TTLL6: variants seen among roughly 807,000 people sequenced by gnomAD.
TTLL6 encodes tubulin tyrosine ligase like 6.
A neutral mutation model predicts 96.4 loss-of-function variants in TTLL6; 75 were observed. The observed-to-expected ratio is 0.78, with a 90% CI of 0.65 to 0.94. The LOEUF (loss-of-function observed/expected upper bound fraction) is 0.94, where lower values mean the gene tolerates loss of function less well. Ranked by LOEUF, TTLL6 falls within the 40% of genes least tolerant of loss-of-function variation. TTLL6 has a pLI of 0.00. For missense variants in TTLL6, 1,030 were observed against 1,093.0 expected (o/e 0.94, Z 0.81); for synonymous variants, 411 against 419.4 (o/e 0.98, Z 0.24).
chr17:48,769,932 T>A lies in TTLL6; in HGVS notation c.2206A>T (p.Thr736Ser). The A allele has an allele frequency of 6.2e-7, 1 of 1,614,078 alleles. No homozygotes were observed. The highest frequency in any genetic ancestry group is 8.5e-7 in the Non-Finnish European group (1 of 1,180,018). Residue 736 changes from threonine (T) to serine (S), a missense_variant, in exon 14 of 16, where the codon ACC becomes TCC. Thr to Ser is a moderately conservative substitution (Grantham distance 58). Coordinates refer to ENST00000393382, the MANE Select transcript of TTLL6 (RefSeq NM_001130918.3). The stretch of plus-strand genomic sequence containing the variant: ...AAAGATTTTAACATTTTCTTCTGGG[T>A]TAAGTGTGGAGGGGTCTGCTGCTTC... ...CKKQQTPPHL[T>S]QKKMLKSFLP...
At chr17:48,801,720 C>T (rs2039418816) in intron 3 of TTLL6, 77 bp from the exon 4 acceptor site, 1 of 1,229,458 alleles carries the variant, frequency 8.1e-7, no homozygotes. Context: ...TTACTAGGTG[C>T]TCCCAGACCA....
intron 5 of TTLL6, 21 bp from the exon 6 acceptor site, chr17:48,799,781 C>T: frequency 6.5e-7 from 1 of 1,547,728 alleles, no homozygotes; most frequent in Non-Finnish European, 8.7e-7. Context: ...AGGGAGGGAA[C>T]AAGATACATC....
intron 7 of TTLL6, among the ~76,000 whole-genome samples, 193 bp downstream of exon 7, chr17:48,796,868 C>T (rs1567730216): frequency 6.6e-6 from 1 of 152,130 alleles, no homozygotes; most frequent in Non-Finnish European, 1.5e-5. Flanking sequence ...GGGTTTTAAT[C>T]TCGTCATCTG....
In TTLL6 at chr17:48,804,783, C is replaced by T. The variant is rs1230735951; in HGVS notation, c.312G>A (p.Arg104=). The T allele has an allele frequency of 6.4e-7, 1 of 1,552,074 alleles. No individual in the cohort carries two copies. The highest frequency in any genetic ancestry group is 1.4e-5 in the African/African-American group (1 of 73,038). The change falls in exon 2 of 16, where the codon AGG becomes AGA. Residue 104 remains arginine, a synonymous_variant. Coordinates refer to ENST00000393382, the MANE Select transcript of TTLL6 (RefSeq NM_001130918.3). ...QNAQQQGKKK[R]KKKRLVINLS... ...CTTTCAATCCTAACCTCTTTTTCTTCCTCTTCTTCTTGCCTTGCTGCTGGG... is the reference window on the plus strand; with the variant it reads ...CTTTCAATCCTAACCTCTTTTTCTTTCTCTTCTTCTTGCCTTGCTGCTGGG...
At position 48,768,837 on chromosome 17, in the gene TTLL6, C is replaced by T. The variant is rs889419944; in HGVS notation, c.*152G>A. 1.6e-5 allele frequency: 14 copies of T among 869,344 alleles called. No individual in the cohort carries two copies. In the African/African-American group the frequency reaches 2.2e-4, roughly 14 times the overall value. The allele number at this position is 869,344 out of a possible 1,614,324, so 53.9% of individuals were successfully genotyped here. ...GATTATAGGCATGAGCCACTGCACC[C>T]AGCCAGGGTCACATTTTTACTAAGT... On this transcript the variant is annotated intron_variant, in intron 15 of 15. Transcript: ENST00000393382.
chr17:48,762,977 G>GAA lies in TTLL6; in HGVS notation c.*1-6_*1-5dup. The GAA allele has an allele frequency of 2.4e-6, 1 of 420,160 alleles. No individual in the cohort carries two copies. Among genetic ancestry groups the GAA allele is most frequent in the Non-Finnish European group, 4.7e-6 (1 of 214,546 alleles). The allele number at this position is 420,160 out of a possible 1,614,324, so 26.0% of individuals were successfully genotyped here. A position where few individuals can be genotyped will look rare whatever the true frequency, so the allele number is the denominator to read the frequency against. On this transcript the variant is annotated splice_region_variant and splice_polypyrimidine_tract_variant and intron_variant, in intron 15 of 15. Coordinates refer to ENST00000393382, the MANE Select transcript of TTLL6 (RefSeq NM_001130918.3). ...GTGGCAGAGATCCAGTCTGATTCTG[G>GAA]AAAAAAAAAATTTTTTTTTTAGATT...
At chr17:48,766,158 C>G (rs2038599806) in intron 15 of TTLL6, among the ~76,000 whole-genome samples, 1 of 152,198 alleles carries the variant, frequency 6.6e-6, no homozygotes, top group African/African-American at 2.4e-5. Context: ...ACTACAGCTC[C>G]AAGCGGGTGA....
At chr17:48,799,148 T>A (rs899848744) in intron 6 of TTLL6, among the ~76,000 whole-genome samples, 1 of 152,116 alleles carries the variant, frequency 6.6e-6, no homozygotes, top group Non-Finnish European at 1.5e-5. Context: ...TCTACAAGAG[T>A]TCTCCCTGCA....
At chr17:48,794,647 T>C (rs1219696524) in intron 8 of TTLL6, among the ~76,000 whole-genome samples, 2 of 152,152 alleles carry the variant, frequency 1.3e-5, no homozygotes, top group Admixed American at 1.3e-4. Flanking sequence ...GGCTGACATC[T>C]TCTGGAAAAG....
At chr17:48,785,414 G>T (rs957411091) in intron 12 of TTLL6, among the ~76,000 whole-genome samples, 17 of 152,094 alleles carry the variant, frequency 1.1e-4, no homozygotes, top group East Asian at 3.9e-4. Flanking sequence ...ACTTGAAATT[G>T]CAGTTTAAAA....
intron 7 of TTLL6, among the ~76,000 whole-genome samples, chr17:48,796,348 G>A (rs543657796): frequency 5.3e-5 from 8 of 152,294 alleles, no homozygotes; most frequent in East Asian, 1.9e-4. Context: ...TCTGCTGGGC[G>A]TGGTGGCTCA....
intron 1 of TTLL6, among the ~76,000 whole-genome samples, chr17:48,813,951 C>G (rs907263941): frequency 1.3e-5 from 2 of 152,142 alleles, no homozygotes; most frequent in African/African-American, 4.8e-5. Context: ...CCCCAGCTTC[C>G]TGGTCCCCAA....
chr17:48,817,086 GCCCCAA>G lies in TTLL6; in HGVS notation c.-20_-15del. ...TAACGCTCCCATTGGCTGCCAGACA[GCCCCAA>G]CCCCAACCCGCGCTCGCCCTAACTT... On this transcript the variant is annotated 5_prime_UTR_variant, in exon 1 of 16. Transcript: ENST00000393382. The G allele has an allele frequency of 6.5e-7, 1 of 1,533,336 alleles. No homozygotes were observed. Among genetic ancestry groups the G allele is most frequent in the Non-Finnish European group, 8.8e-7 (1 of 1,140,988 alleles). 95.0% of individuals were successfully genotyped at this position (1,533,336 alleles called of 1,614,324 possible). A position where few individuals can be genotyped will look rare whatever the true frequency, so the allele number is the denominator to read the frequency against.
chr17:48,782,745 G>A (rs528512582), intron 13 of TTLL6, among the ~76,000 whole-genome samples: 4 of 151,048 alleles, frequency 2.6e-5, no homozygotes, highest in South Asian at 2.1e-4. Context: ...ACAGAGTCTC[G>A]CTCTGTCACC....
At chr17:48,794,756 A>G (rs2039288422) in intron 8 of TTLL6, among the ~76,000 whole-genome samples, 1 of 152,232 alleles carries the variant, frequency 6.6e-6, no homozygotes, top group African/African-American at 2.4e-5. Context: ...TGAGGGGGTC[A>G]TGAACTGTCA....
intron 1 of TTLL6, among the ~76,000 whole-genome samples, chr17:48,805,209 G>A (rs1340327111): frequency 6.6e-6 from 1 of 152,228 alleles, no homozygotes; most frequent in African/African-American, 2.4e-5. Flanking sequence ...CTCAGCCAAC[G>A]CTAGCCTTGG....
At chr17:48,778,135 G>A (rs1597968390) in intron 13 of TTLL6, among the ~76,000 whole-genome samples, 1 of 151,894 alleles carries the variant, frequency 6.6e-6, no homozygotes, top group East Asian at 1.9e-4. Flanking sequence ...AAATTAGCCG[G>A]GTGTGGTGGT....
chr17:48,769,060 G>A lies in TTLL6; in HGVS notation c.2605C>T (p.Pro869Ser). The change falls in exon 15 of 16, where the codon CCA becomes TCA. Residue 869 changes from proline (P) to serine (S), a missense_variant. By Grantham distance (74) the Pro-to-Ser change is moderately conservative. Coordinates refer to ENST00000393382, the MANE Select transcript of TTLL6 (RefSeq NM_001130918.3). ...CRSHASAMRDPCMQDQEAYSH... is the reference protein window; with the variant it reads ...CRSHASAMRDSCMQDQEAYSH... Reference sequence around the variant, plus strand: ...TATGCTTCTTGATCCTGCATACATGGGTCCCTCATAGCACTTGCGTGGCTT... The same window carrying A: ...TATGCTTCTTGATCCTGCATACATGAGTCCCTCATAGCACTTGCGTGGCTT... The A allele has an allele frequency of 1.3e-5, 21 of 1,614,182 alleles. No homozygotes were observed. Among genetic ancestry groups the A allele is most frequent in the Non-Finnish European group, 1.8e-5 (21 of 1,180,030 alleles).
In TTLL6 at chr17:48,817,083, A is replaced by T; in HGVS notation, c.-11T>A. On this transcript the variant is annotated 5_prime_UTR_variant, in exon 1 of 16. Coordinates refer to ENST00000393382, the MANE Select transcript of TTLL6 (RefSeq NM_001130918.3). ...GAGTAACGCTCCCATTGGCTGCCAG[A>T]CAGCCCCAACCCCAACCCGCGCTCG... 6.5e-7 allele frequency: 1 copy of T among 1,536,848 alleles called. No individual in the cohort carries two copies. The highest frequency in any genetic ancestry group is 8.8e-7 in the Non-Finnish European group (1 of 1,142,286).
Sources: allele counts gnomAD v4.1 joint callset (sites outside exome capture counted in the v4.1 genomes callset), GRCh38; gene constraint gnomAD v4.1.1; transcripts MANE v1.5; gene names NCBI Gene and HGNC (gene_info 2026-07-23, HGNC 2026-07-21).